Variants in PARD3 observed in about 807,000 individuals in gnomAD.
PARD3 encodes partitioning defective 3 homolog.
In PARD3, 75 loss-of-function variants were observed where a neutral mutation model predicts 155.4. The ratio of observed to expected loss-of-function variants is 0.48; its 90% CI spans 0.40 to 0.58. PARD3 has a LOEUF of 0.58. Ranked by LOEUF, PARD3 falls within the 20% of genes least tolerant of loss-of-function variation. The probability of loss-of-function intolerance (pLI) is 0.00; values close to 1 mark genes in which losing one functional copy is unlikely to be tolerated. For missense variants in PARD3, 1,642 were observed against 1,721.7 expected (o/e 0.95, Z 0.82); for synonymous variants, 576 against 610.5 (o/e 0.94, Z 0.83).
At chr10:34,501,315 C>T (rs930596788) in intron 3 of PARD3, among the ~76,000 whole-genome samples, 1 of 152,000 alleles carries the variant, frequency 6.6e-6, no homozygotes, top group Non-Finnish European at 1.5e-5. Context: ...GTGTGTGGCA[C>T]CCCCCTCTGC....
chr10:34,780,108 C>T (rs1840071283), intron 1 of PARD3, among the ~76,000 whole-genome samples: 1 of 152,204 alleles, frequency 6.6e-6, no homozygotes, highest in African/African-American at 2.4e-5. Context: ...ACTGTGAAGT[C>T]CATTTTAACT....
intron 22 of PARD3, among the ~76,000 whole-genome samples, chr10:34,268,877 T>C (rs903555598): frequency 6.6e-6 from 1 of 152,116 alleles, no homozygotes; most frequent in Admixed American, 6.5e-5. Flanking sequence ...TGTATACATA[T>C]GTACCAAACC....
At chr10:34,617,713 G>A (rs1323729571) in intron 2 of PARD3, among the ~76,000 whole-genome samples, 1 of 152,158 alleles carries the variant, frequency 6.6e-6, no homozygotes, top group Admixed American at 6.5e-5. Context: ...TAAAAGCAAA[G>A]CACACACAGA....
intron 12 of PARD3, among the ~76,000 whole-genome samples, chr10:34,362,124 C>G (rs192231577): frequency 1.3e-5 from 2 of 152,068 alleles, no homozygotes; most frequent in Non-Finnish European, 2.9e-5. Flanking sequence ...ATGGTGAAAC[C>G]CCATCTCTAC....
intron 2 of PARD3, among the ~76,000 whole-genome samples, chr10:34,617,399 G>A (rs1183376334): frequency 2.0e-5 from 3 of 152,174 alleles, no homozygotes; most frequent in African/African-American, 7.2e-5. Flanking sequence ...GAAGAATTAA[G>A]TTCTAGTGGT....
At chr10:34,597,298 T>C (rs2089365938) in intron 2 of PARD3, among the ~76,000 whole-genome samples, 1 of 151,614 alleles carries the variant, frequency 6.6e-6, no homozygotes, top group Non-Finnish European at 1.5e-5. Context: ...TTTGTTTATA[T>C]TTATATATAA....
intron 2 of PARD3, among the ~76,000 whole-genome samples, chr10:34,642,459 G>C (rs1289402808): frequency 2.0e-5 from 3 of 151,674 alleles, no homozygotes; most frequent in African/African-American, 7.3e-5. Context: ...TGCCTCACCA[G>C]CCTGCTCTTC....
At chr10:34,200,651 T>C (rs1951168362) in intron 22 of PARD3, among the ~76,000 whole-genome samples, 1 of 152,106 alleles carries the variant, frequency 6.6e-6, no homozygotes, top group African/African-American at 2.4e-5. Context: ...AGCCACTCAC[T>C]AGATGGACAG....
At chr10:34,640,732 A>AAAAAAAAAAAAAAAAAAC (rs2092650431) in intron 2 of PARD3, among the ~76,000 whole-genome samples, 1 of 145,354 alleles carries the variant, frequency 6.9e-6, no homozygotes, top group Admixed American at 6.9e-5. Flanking sequence ...AAAAAAAAAA[A>AAAAAAAAAAAAAAAAAAC]AAAAGCACTT....
intron 5 of PARD3, among the ~76,000 whole-genome samples, chr10:34,402,830 C>T (rs944363903): frequency 1.3e-5 from 2 of 152,114 alleles, no homozygotes; most frequent in Non-Finnish European, 2.9e-5. Context: ...GTGGAATAAA[C>T]GTGGTAGTTC....
chr10:34,336,136 A>G (rs1015093879), intron 18 of PARD3, 63 bp downstream of exon 18: 15 of 1,203,166 alleles, frequency 1.2e-5, no homozygotes, highest in Admixed American at 1.7e-5. Context: ...TGGCAGCTCT[A>G]TAATTGTGAT....
chr10:34,291,647 A>C (rs1159313314), intron 20 of PARD3, among the ~76,000 whole-genome samples: 2 of 152,196 alleles, frequency 1.3e-5, no homozygotes, highest in Non-Finnish European at 2.9e-5. Context: ...ATTCATACCC[A>C]AGACACTTTT....
intron 5 of PARD3, among the ~76,000 whole-genome samples, chr10:34,425,484 C>T (rs2132468732): frequency 6.6e-6 from 1 of 152,298 alleles, no homozygotes; most frequent in Middle Eastern, 3.4e-3. Flanking sequence ...CAGCCTCGAA[C>T]TCCTGGGCTC....
chr10:34,644,768 C>G (rs2092785895), intron 2 of PARD3, among the ~76,000 whole-genome samples: 1 of 152,178 alleles, frequency 6.6e-6, no homozygotes, highest in Non-Finnish European at 1.5e-5. Flanking sequence ...AGAGCATTCT[C>G]AGTGACAAAA....
intron 23 of PARD3, among the ~76,000 whole-genome samples, chr10:34,126,366 G>C (rs1167277987): frequency 6.6e-6 from 1 of 152,182 alleles, no homozygotes; most frequent in Non-Finnish European, 1.5e-5. Flanking sequence ...GCAGCATCCT[G>C]CTCTGTATGT....
chr10:34,428,866 T>C (rs1036773753), intron 5 of PARD3, among the ~76,000 whole-genome samples: 8 of 152,074 alleles, frequency 5.3e-5, no homozygotes, highest in South Asian at 2.1e-4. Flanking sequence ...ACATCCAAAA[T>C]AGAAGTACGA....
intron 1 of PARD3, among the ~76,000 whole-genome samples, chr10:34,770,694 G>A (rs923089051): frequency 6.6e-6 from 1 of 152,142 alleles, no homozygotes; most frequent in African/African-American, 2.4e-5. Context: ...CGGACCACAG[G>A]AATCTAATCT....
chr10:34,737,987 C>T (rs1182410919), intron 1 of PARD3, among the ~76,000 whole-genome samples: 3 of 152,212 alleles, frequency 2.0e-5, no homozygotes, highest in Admixed American at 6.5e-5. Context: ...AAGAAGGCAA[C>T]AGCAGATGGG....
intron 2 of PARD3, among the ~76,000 whole-genome samples, chr10:34,686,042 A>T (rs188359770): frequency 8.5e-5 from 13 of 152,342 alleles, no homozygotes; most frequent in African/African-American, 2.6e-4. Flanking sequence ...CATGTTTAGT[A>T]ATAACTAAAA....
Sources: allele counts gnomAD v4.1 joint callset (sites outside exome capture counted in the v4.1 genomes callset), GRCh38; gene constraint gnomAD v4.1.1; transcripts MANE v1.5; gene names NCBI Gene and HGNC (gene_info 2026-07-23, HGNC 2026-07-21).